DPF3: variants seen among roughly 807,000 people sequenced by gnomAD.
The protein encoded by DPF3 is double PHD fingers 3.
Under a neutral mutation model 56.8 loss-of-function variants are expected in DPF3, and 18 were observed. That is an observed-to-expected ratio of 0.32 (90% CI 0.22 to 0.47). The LOEUF (loss-of-function observed/expected upper bound fraction) is 0.47. Among genes scored for constraint, DPF3 ranks in the 20% least tolerant of loss-of-function variants. DPF3 has a pLI of 1.00. For synonymous variants in DPF3, 188 were observed against 180.2 expected (o/e 1.04, Z -0.35); for missense variants, 403 against 488.8 (o/e 0.82, Z 1.65).
At chr14:72,659,743 A>G (rs957523704) in intron 8 of DPF3, among the ~76,000 whole-genome samples, 3 of 152,202 alleles carry the variant, frequency 2.0e-5, no homozygotes, top group Non-Finnish European at 2.9e-5. Flanking sequence ...AATGTCTCAA[A>G]TTTTGAGTCA....
intron 7 of DPF3, 65 bp from the exon 8 acceptor site, chr14:72,674,433 C>T (rs918968288): frequency 1.3e-6 from 2 of 1,562,720 alleles, no homozygotes; most frequent in African/African-American, 2.7e-5. Context: ...CCTTCTTCTC[C>T]TCCTACAGTG....
chr14:72,714,820 GC>G (rs147603983), intron 5 of DPF3, among the ~76,000 whole-genome samples: 4,830 of 152,228 alleles, frequency 0.032, 257 homozygotes, highest in African/African-American at 0.11. Flanking sequence ...GCTACTCAGG[GC>G]AGCTGTACTG....
intron 1 of DPF3, among the ~76,000 whole-genome samples, chr14:72,840,109 C>T (rs12896976): frequency 0.54 from 81,647 of 152,014 alleles, 22,421 homozygotes; most frequent in East Asian, 0.86. Context: ...ACAGCAGAGA[C>T]AGGAGCTAGA....
At chr14:72,867,648 A>G (rs1046478817) in intron 1 of DPF3, among the ~76,000 whole-genome samples, 3 of 152,200 alleles carry the variant, frequency 2.0e-5, no homozygotes, top group Admixed American at 6.5e-5. Context: ...GCCCTCCATG[A>G]CTATCAAAGT....
chr14:72,791,628 C>T (rs1892436069), intron 1 of DPF3, among the ~76,000 whole-genome samples: 1 of 152,256 alleles, frequency 6.6e-6, no homozygotes, highest in Non-Finnish European at 1.5e-5. Flanking sequence ...ACAAAGCCGC[C>T]ATCACAGCTT....
chr14:72,885,997 G>C (rs925699840), intron 1 of DPF3, among the ~76,000 whole-genome samples: 11 of 152,202 alleles, frequency 7.2e-5, no homozygotes, highest in African/African-American at 2.7e-4. Flanking sequence ...AATGCAGAAT[G>C]GTGGTTCCCA....
chr14:72,722,691 G>A (rs532069660), intron 5 of DPF3, among the ~76,000 whole-genome samples: 1 of 152,204 alleles, frequency 6.6e-6, no homozygotes, highest in Non-Finnish European at 1.5e-5. Context: ...CATTTTCCAG[G>A]TGGACAGCAG....
chr14:72,783,382 T>G (rs866956235), intron 1 of DPF3, among the ~76,000 whole-genome samples: 1 of 151,996 alleles, frequency 6.6e-6, no homozygotes, highest in African/African-American at 2.4e-5. Flanking sequence ...TCGACACATA[T>G]CACTCAACAA....
chr14:72,756,292 G>C (rs1890785154), intron 2 of DPF3, among the ~76,000 whole-genome samples: 1 of 152,108 alleles, frequency 6.6e-6, no homozygotes, highest in South Asian at 2.1e-4. Context: ...GATGCACAAA[G>C]ACACACACAC....
intron 2 of DPF3, among the ~76,000 whole-genome samples, chr14:72,754,497 C>T (rs1211007076): frequency 6.6e-6 from 1 of 152,134 alleles, no homozygotes; most frequent in South Asian, 2.1e-4. Context: ...GAATATATTG[C>T]AGCTTCCTTT....
chr14:72,692,727 C>CA (rs551001540), intron 7 of DPF3, among the ~76,000 whole-genome samples: 15 of 152,348 alleles, frequency 9.8e-5, no homozygotes, highest in African/African-American at 3.6e-4. Context: ...TACCTATGCC[C>CA]AACCCAGTCT....
intron 6 of DPF3, among the ~76,000 whole-genome samples, chr14:72,712,259 G>A (rs764651904): frequency 3.9e-5 from 6 of 152,154 alleles, no homozygotes; most frequent in East Asian, 1.9e-4. Context: ...TGAGAGTCCC[G>A]AAACAAAGCC....
At chr14:72,804,673 G>A (rs777071472) in intron 1 of DPF3, among the ~76,000 whole-genome samples, 1 of 152,126 alleles carries the variant, frequency 6.6e-6, no homozygotes, top group Non-Finnish European at 1.5e-5. Flanking sequence ...TCGTGAGCAC[G>A]AGAAAGTGCC....
At chr14:72,825,869 G>A (rs919254421) in intron 1 of DPF3, among the ~76,000 whole-genome samples, 12 of 152,264 alleles carry the variant, frequency 7.9e-5, no homozygotes, top group African/African-American at 2.9e-4. Context: ...TCTCTGCAGA[G>A]TAGATGTGGC....
intron 1 of DPF3, among the ~76,000 whole-genome samples, chr14:72,849,548 C>A (rs771784189): frequency 6.6e-6 from 1 of 152,160 alleles, no homozygotes; most frequent in African/African-American, 2.4e-5. Flanking sequence ...TAGCTAAAGC[C>A]GGCAAGGTCC....
At chr14:72,640,080 A>G (rs1176085912) in intron 8 of DPF3, among the ~76,000 whole-genome samples, 1 of 117,494 alleles carries the variant, frequency 8.5e-6, no homozygotes, top group African/African-American at 3.0e-5. Flanking sequence ...AAAAAAAAAA[A>G]TGGAAACAGC....
intron 1 of DPF3, among the ~76,000 whole-genome samples, chr14:72,861,725 G>C (rs1198578825): frequency 3.3e-5 from 2 of 60,020 alleles, no homozygotes. Context: ...GAAAGAGAGA[G>C]AAAGAAAGAA....
chr14:72,688,129 G>C (rs1337237653), intron 7 of DPF3, among the ~76,000 whole-genome samples: 3 of 142,090 alleles, frequency 2.1e-5, no homozygotes, highest in African/African-American at 7.6e-5. Context: ...TGGGTGGATG[G>C]ATAGATGGAC....
intron 1 of DPF3, among the ~76,000 whole-genome samples, chr14:72,829,178 T>A (rs1883944953): frequency 6.6e-6 from 1 of 152,218 alleles, no homozygotes. Context: ...TTTTCCACTT[T>A]ATACATGTGC....
Sources: allele counts gnomAD v4.1 joint callset (sites outside exome capture counted in the v4.1 genomes callset), GRCh38; gene constraint gnomAD v4.1.1; transcripts MANE v1.5; gene names NCBI Gene and HGNC (gene_info 2026-07-23, HGNC 2026-07-21).